CTNNBL1: variants seen among roughly 807,000 people sequenced by gnomAD.
The protein encoded by CTNNBL1 is catenin beta like 1.
In CTNNBL1, 31 loss-of-function variants were observed where a neutral mutation model predicts 72.7. The observed-to-expected ratio is 0.43, with a 90% CI of 0.32 to 0.58. The LOEUF (loss-of-function observed/expected upper bound fraction) is 0.58. Ranked by LOEUF, CTNNBL1 falls within the 20% of genes least tolerant of loss-of-function variation. The pLI is 0.08. For synonymous variants in CTNNBL1, 240 were observed against 267.3 expected (o/e 0.90, Z 1.00); for missense variants, 534 against 725.1 (o/e 0.74, Z 3.03).
rs1437218809 is a variant in CTNNBL1, at chr20:37,837,146, TCAG to T, written c.1214-2955_1214-2953del. 7.9e-5 allele frequency among the ~76,000 whole-genome samples: 12 copies of T among 152,258 alleles called. No homozygotes were observed. In the East Asian group the frequency reaches 2.1e-3, roughly 27 times the overall value. On this transcript the variant is annotated intron_variant, in intron 11 of 15. Coordinates refer to ENST00000361383, the MANE Select transcript of CTNNBL1 (RefSeq NM_030877.5). Reference sequence around the variant, plus strand: ...CTTTTCTCGTTGGCATACACAAAGGTCAGAGCACTTTCCCTGAAGTGCATCTTC... The same window carrying T: ...CTTTTCTCGTTGGCATACACAAAGGTAGCACTTTCCCTGAAGTGCATCTTC...
At chr20:37,704,354 A>G (rs1262060269) in intron 1 of CTNNBL1, among the ~76,000 whole-genome samples, 2 of 152,060 alleles carry the variant, frequency 1.3e-5, no homozygotes, top group Non-Finnish European at 1.5e-5. Context: ...GGAGCGCTGC[A>G]CCTTCAGGAG....
intron 3 of CTNNBL1, among the ~76,000 whole-genome samples, chr20:37,740,872 G>A (rs1222349819): frequency 6.6e-6 from 1 of 152,070 alleles, no homozygotes; most frequent in Non-Finnish European, 1.5e-5. Context: ...CAGCCACCCC[G>A]CTACCCCATC....
Position 37,872,016 on chromosome 20 carries a change from G to T in CTNNBL1, c.*3G>T. On this transcript the variant is annotated 3_prime_UTR_variant, in exon 16 of 16. Transcript: ENST00000361383. ...TGGGCTTGCTGGAGAACTTCTAGAG[G>T]CACCTTGGCCCTGCGCATCATGGAC... 6.2e-7 allele frequency: 1 copy of T among 1,613,100 alleles called. No individual in the cohort carries two copies. The highest frequency in any genetic ancestry group is 8.5e-7 in the Non-Finnish European group (1 of 1,179,146).
chr20:37,777,584 A>G (rs941389021), intron 8 of CTNNBL1, 70 bp from the exon 9 acceptor site: 432 of 1,469,386 alleles, frequency 2.9e-4, no homozygotes, highest in Non-Finnish European at 3.6e-4. Flanking sequence ...CTGATGTATC[A>G]GTGTTAGACG....
rs1439075091 is a variant in CTNNBL1 at position 37,767,943 on chromosome 20, C to T, written c.659-10C>T. The T allele has an allele frequency of 6.2e-7, 1 of 1,612,604 alleles. No individual in the cohort carries two copies. Among genetic ancestry groups the T allele is most frequent in the Admixed American group, 1.7e-5 (1 of 59,994 alleles). ...GTCCTCCCAAATGACTGGTGTCTGT[C>T]TCCCTTCAGCTATTGTGGAAAACAT... On this transcript the variant is annotated splice_polypyrimidine_tract_variant and intron_variant, in intron 6 of 15. Coordinates refer to ENST00000361383, the MANE Select transcript of CTNNBL1 (RefSeq NM_030877.5).
At chr20:37,782,532 C>G (rs2073635002) in intron 10 of CTNNBL1, among the ~76,000 whole-genome samples, 1 of 152,134 alleles carries the variant, frequency 6.6e-6, no homozygotes, top group South Asian at 2.1e-4. Flanking sequence ...ACAGCACTAT[C>G]CAGTCGAAAT....
At chr20:37,839,238 T>TG (rs1439800806) in intron 11 of CTNNBL1, among the ~76,000 whole-genome samples, 1 of 152,160 alleles carries the variant, frequency 6.6e-6, no homozygotes, top group Non-Finnish European at 1.5e-5. Context: ...AGTAGTCAGA[T>TG]GACATTCTTG....
chr20:37,747,764 G>A (rs2122626919), intron 4 of CTNNBL1, among the ~76,000 whole-genome samples: 1 of 151,894 alleles, frequency 6.6e-6, no homozygotes, highest in Non-Finnish European at 1.5e-5. Context: ...TTAATTTTTT[G>A]GAGATGGATC....
At chr20:37,793,205 G>A (rs1231317272) in intron 10 of CTNNBL1, among the ~76,000 whole-genome samples, 1 of 152,084 alleles carries the variant, frequency 6.6e-6, no homozygotes, top group African/African-American at 2.4e-5. Context: ...TTATTCTATC[G>A]ATTATTGAGA....
intron 7 of CTNNBL1, among the ~76,000 whole-genome samples, chr20:37,775,220 T>C (rs1230317541): frequency 6.6e-6 from 1 of 152,238 alleles, no homozygotes; most frequent in Non-Finnish European, 1.5e-5. Context: ...TTCTTAAATA[T>C]CATAGTTACT....
At chr20:37,798,294 A>G (rs959743316) in intron 10 of CTNNBL1, among the ~76,000 whole-genome samples, 4 of 152,228 alleles carry the variant, frequency 2.6e-5, no homozygotes, top group Non-Finnish European at 4.4e-5. Flanking sequence ...TAAAACTACA[A>G]CAGAAAACGT....
intron 1 of CTNNBL1, among the ~76,000 whole-genome samples, chr20:37,724,908 C>CTT (rs748038781): frequency 9.5e-4 from 116 of 122,330 alleles, no homozygotes; most frequent in Middle Eastern, 4.2e-3. Flanking sequence ...TCCTGTCAAT[C>CTT]TTTTTTTTTT....
At chr20:37,832,889 A>G (rs1004497564) in intron 11 of CTNNBL1, among the ~76,000 whole-genome samples, 1 of 152,026 alleles carries the variant, frequency 6.6e-6, no homozygotes, top group African/African-American at 2.4e-5. Context: ...AGTGACTGCC[A>G]CAGTCTGTGC....
At chr20:37,825,591 C>T (rs991316434) in intron 11 of CTNNBL1, among the ~76,000 whole-genome samples, 5 of 152,162 alleles carry the variant, frequency 3.3e-5, no homozygotes, top group South Asian at 2.1e-4. Flanking sequence ...AGGAGAATTG[C>T]TTGAACCCAA....
At chr20:37,755,212 T>C (rs1224086304) in intron 4 of CTNNBL1, among the ~76,000 whole-genome samples, 1 of 152,222 alleles carries the variant, frequency 6.6e-6, no homozygotes, top group Non-Finnish European at 1.5e-5. Context: ...CCAGACATGA[T>C]GCTGTGACTT....
At chr20:37,826,970 G>C (rs1315756697) in intron 11 of CTNNBL1, among the ~76,000 whole-genome samples, 1 of 152,164 alleles carries the variant, frequency 6.6e-6, no homozygotes, top group African/African-American at 2.4e-5. Context: ...CACCACCCCA[G>C]AGCATTCTCT....
At chr20:37,785,810 G>A (rs1439803055) in intron 10 of CTNNBL1, among the ~76,000 whole-genome samples, 1 of 152,072 alleles carries the variant, frequency 6.6e-6, no homozygotes. Flanking sequence ...GATCTTTGTC[G>A]GTGTCTGGGC....
At chr20:37,763,350 T>C (rs2073435274) in intron 5 of CTNNBL1, among the ~76,000 whole-genome samples, 1 of 152,188 alleles carries the variant, frequency 6.6e-6, no homozygotes, top group African/African-American at 2.4e-5. Context: ...TGGCACAAGA[T>C]GGGAAAACAG....
chr20:37,779,445 C>A, intron 10 of CTNNBL1, 110 bp downstream of exon 10: 2 of 1,291,874 alleles, frequency 1.5e-6, no homozygotes, highest in African/African-American at 1.5e-5. Context: ...GTTTCCTAGA[C>A]TTTACCCTGA....
Sources: allele counts gnomAD v4.1 joint callset (sites outside exome capture counted in the v4.1 genomes callset), GRCh38; gene constraint gnomAD v4.1.1; transcripts MANE v1.5; gene names NCBI Gene and HGNC (gene_info 2026-07-23, HGNC 2026-07-21).